The following PRKG1 variants were observed in gnomAD, a reference collection of about 807,000 sequenced individuals.
The protein encoded by PRKG1 is cGMP-dependent protein kinase 1.
In PRKG1, 35 loss-of-function variants were observed where a neutral mutation model predicts 88.1. That is an observed-to-expected ratio of 0.40 (90% confidence interval 0.30 to 0.53). The LOEUF (loss-of-function observed/expected upper bound fraction) is 0.53. PRKG1 is among the 20% of genes least tolerant of loss of function. The pLI, the probability that PRKG1 is intolerant of heterozygous loss-of-function variation, is 0.59. For synonymous variants in PRKG1, 303 were observed against 292.5 expected, an observed-to-expected ratio of 1.04 and a Z score of -0.37; for missense variants, 540 against 839.8, an observed-to-expected ratio of 0.64 and a Z score of 4.41.
At chr10:51,915,254 G>C (rs1258957256) in intron 5 of PRKG1, among the ~76,000 whole-genome samples, 2 of 152,178 alleles carry the variant, frequency 1.3e-5, no homozygotes, top group Non-Finnish European at 2.9e-5. Context: ...AATAGGCCTA[G>C]ACTCTTCAGG....
intron 2 of PRKG1, among the ~76,000 whole-genome samples, chr10:51,160,569 A>T (rs1326823233): frequency 1.3e-5 from 2 of 152,116 alleles, no homozygotes; most frequent in Non-Finnish European, 2.9e-5. Flanking sequence ...AAGTTTTCTG[A>T]TTGTCTCTCA....
At chr10:51,174,772 TCAGA>T (rs991550789) in intron 2 of PRKG1, among the ~76,000 whole-genome samples, 97 of 152,134 alleles carry the variant, frequency 6.4e-4, no homozygotes, top group African/African-American at 2.2e-3. Context: ...GTATTTTCCA[TCAGA>T]CAGTTTATTG....
At chr10:51,812,500 T>A (rs1330310717) in intron 4 of PRKG1, among the ~76,000 whole-genome samples, 2 of 152,278 alleles carry the variant, frequency 1.3e-5, no homozygotes, top group South Asian at 2.1e-4. Context: ...ATTTGCTAAG[T>A]GTACTTCTCA....
chr10:51,028,385 G>A (rs1056092941), intron 1 of PRKG1, among the ~76,000 whole-genome samples: 8 of 152,136 alleles, frequency 5.3e-5, no homozygotes, highest in African/African-American at 1.9e-4. Flanking sequence ...GTGAAGTTGA[G>A]TGGCGCTGTT....
intron 1 of PRKG1, among the ~76,000 whole-genome samples, chr10:51,122,926 A>G (rs1845300296): frequency 6.6e-6 from 1 of 152,172 alleles, no homozygotes; most frequent in Non-Finnish European, 1.5e-5. Flanking sequence ...TGCCCTATCT[A>G]TACGTTTTAT....
chr10:51,685,842 C>CA (rs534659573), intron 3 of PRKG1, among the ~76,000 whole-genome samples: 1 of 151,876 alleles, frequency 6.6e-6, no homozygotes, highest in Non-Finnish European at 1.5e-5. Flanking sequence ...AACAACAAAA[C>CA]AAAAAAAGTA....
chr10:52,051,148 G>T (rs1487185934), intron 5 of PRKG1, among the ~76,000 whole-genome samples: 1 of 152,126 alleles, frequency 6.6e-6, no homozygotes, highest in Non-Finnish European at 1.5e-5. Context: ...AATAATTTTG[G>T]CTTTCTGAAA....
chr10:52,282,380 T>C, intron 14 of PRKG1, 64 bp downstream of exon 14: 1 of 1,429,816 alleles, frequency 7.0e-7, no homozygotes, highest in Non-Finnish European at 9.4e-7. Context: ...CACTCCTGCT[T>C]TTGTCACTTG....
chr10:51,519,785 A>AT (rs1841690123), intron 3 of PRKG1, among the ~76,000 whole-genome samples: 1 of 151,988 alleles, frequency 6.6e-6, no homozygotes, highest in Non-Finnish European at 1.5e-5. Context: ...CCTTTCTTTT[A>AT]TTTTTTTCCT....
intron 5 of PRKG1, among the ~76,000 whole-genome samples, chr10:51,927,436 T>C (rs182035617): frequency 6.2e-4 from 95 of 152,276 alleles, no homozygotes; most frequent in African/African-American, 2.1e-3. Context: ...TACCCAGTCT[T>C]GGGTATGTCT....
At chr10:51,913,375 T>C (rs1246566045) in intron 5 of PRKG1, among the ~76,000 whole-genome samples, 2 of 152,192 alleles carry the variant, frequency 1.3e-5, no homozygotes, top group Non-Finnish European at 2.9e-5. Context: ...CGCCCTATCC[T>C]CCTCTAGTAG....
chr10:51,111,404 C>T (rs981447439), intron 1 of PRKG1, among the ~76,000 whole-genome samples: 19 of 152,034 alleles, frequency 1.2e-4, no homozygotes, highest in Admixed American at 3.9e-4. Flanking sequence ...AGCCTTTATC[C>T]TTTGTTACAA....
chr10:51,536,653 T>TA (rs1842157993), intron 3 of PRKG1, among the ~76,000 whole-genome samples: 1 of 152,022 alleles, frequency 6.6e-6, no homozygotes, highest in South Asian at 2.1e-4. Context: ...TCTTTTTTTT[T>TA]ATTATTATTA....
chr10:51,284,696 A>C (rs1840388107), intron 2 of PRKG1, among the ~76,000 whole-genome samples: 1 of 152,176 alleles, frequency 6.6e-6, no homozygotes, highest in African/African-American at 2.4e-5. Context: ...CTTCTATCCC[A>C]ACAATTTCCT....
intron 1 of PRKG1, among the ~76,000 whole-genome samples, chr10:51,017,922 C>T (rs1378608853): frequency 2.0e-5 from 3 of 152,002 alleles, no homozygotes; most frequent in African/African-American, 7.3e-5. Context: ...CCTCAGCCTT[C>T]TGAGTAGGTG....
chr10:51,368,386 T>C (rs1018925393), intron 2 of PRKG1, among the ~76,000 whole-genome samples: 1 of 152,050 alleles, frequency 6.6e-6, no homozygotes, highest in Non-Finnish European at 1.5e-5. Context: ...GACAAGAACC[T>C]GCTATGGATG....
intron 7 of PRKG1, among the ~76,000 whole-genome samples, chr10:52,123,970 C>A (rs1249431793): frequency 1.3e-5 from 2 of 152,084 alleles, no homozygotes; most frequent in Non-Finnish European, 2.9e-5. Context: ...GCTTATGTTA[C>A]AATAAGCTCT....
In PRKG1 at chr10:51,448,696, T is replaced by A. The variant is rs1022373154; in HGVS notation, c.479-19027T>A. 3.3e-5 allele frequency among the ~76,000 whole-genome samples: 5 copies of A among 151,994 alleles called. No individual in the cohort carries two copies. The South Asian group carries it at 6.2e-4, about 19-fold the overall frequency. ...GTTTGATATATACCAATGATTTTTTTAAAAAAGATAGAAATCTTGGGAGGT... is the reference window on the plus strand; with the variant it reads ...GTTTGATATATACCAATGATTTTTTAAAAAAAGATAGAAATCTTGGGAGGT... On this transcript the variant is annotated intron_variant, in intron 2 of 17. Coordinates refer to ENST00000373980, the MANE Select transcript of PRKG1 (RefSeq NM_006258.4).
intron 2 of PRKG1, among the ~76,000 whole-genome samples, chr10:51,203,710 C>A (rs969920106): frequency 5.3e-5 from 8 of 152,152 alleles, no homozygotes; most frequent in Admixed American, 1.3e-4. Context: ...GTTTTCAAAT[C>A]TGTAAGGCAA....
Sources: gnomAD v4.1 joint callset for allele counts (sites outside exome capture counted in the v4.1 genomes callset) on GRCh38, gnomAD v4.1.1 for gene constraint, MANE v1.5 for transcripts, NCBI Gene and HGNC (gene_info 2026-07-23, HGNC 2026-07-21) for gene names.